The following DIS3L2 variants were observed in gnomAD, a reference collection of about 807,000 sequenced individuals.
DIS3L2 encodes DIS3-like exonuclease 2.
A neutral mutation model predicts 97.5 loss-of-function variants in DIS3L2; 34 were observed. That is an observed-to-expected ratio of 0.35 (90% CI 0.27 to 0.46). The LOEUF (loss-of-function observed/expected upper bound fraction) is 0.46, where lower values mean the gene tolerates loss of function less well. Ranked by LOEUF, DIS3L2 falls within the 20% of genes least tolerant of loss-of-function variation. DIS3L2 has a pLI of 1.00. For missense variants in DIS3L2, 1,038 were observed against 1,146.0 expected (o/e 0.91, Z 1.36); for synonymous variants, 435 against 445.2 (o/e 0.98, Z 0.29).
chr2:232,294,542 C>T (rs144070208), intron 13 of DIS3L2, among the ~76,000 whole-genome samples: 1 of 152,182 alleles, frequency 6.6e-6, no homozygotes, highest in Non-Finnish European at 1.5e-5. Flanking sequence ...TATCCCTACC[C>T]AGACCCTTGG....
intron 4 of DIS3L2, among the ~76,000 whole-genome samples, chr2:232,027,836 G>A (rs1413909067): frequency 6.6e-6 from 1 of 152,128 alleles, no homozygotes; most frequent in Non-Finnish European, 1.5e-5. Context: ...TACAGAATGT[G>A]AGTAAAATCA....
intron 9 of DIS3L2, 68 bp from the exon 10 acceptor site, chr2:232,210,258 C>T (rs894705102): frequency 1.6e-6 from 2 of 1,233,190 alleles, no homozygotes; most frequent in Non-Finnish European, 2.4e-6. Flanking sequence ...TTCTTTAAAG[C>T]TGTACTATGG....
chr2:231,963,962 G>C (rs982644860), intron 1 of DIS3L2, among the ~76,000 whole-genome samples: 4 of 152,128 alleles, frequency 2.6e-5, no homozygotes, highest in Admixed American at 2.6e-4. Flanking sequence ...CAAAAGATCT[G>C]CCTGCCTCAG....
At chr2:232,218,846 A>G (rs1692419946) in intron 10 of DIS3L2, among the ~76,000 whole-genome samples, 1 of 152,098 alleles carries the variant, frequency 6.6e-6, no homozygotes, top group Non-Finnish European at 1.5e-5. Flanking sequence ...TCTGTTTGAA[A>G]ACCTGCTTGT....
intron 1 of DIS3L2, among the ~76,000 whole-genome samples, chr2:231,985,650 C>T (rs1360037094): frequency 6.6e-6 from 1 of 152,194 alleles, no homozygotes; most frequent in Non-Finnish European, 1.5e-5. Context: ...TCCTTCCTTT[C>T]TCTCTCTCCA....
intron 5 of DIS3L2, among the ~76,000 whole-genome samples, chr2:232,065,051 T>A (rs1695816606): frequency 1.3e-5 from 2 of 152,118 alleles, no homozygotes. Flanking sequence ...CTAATATATC[T>A]CTGTCTATCC....
At chr2:232,011,473 C>T (rs1694198521) in intron 1 of DIS3L2, among the ~76,000 whole-genome samples, 1 of 151,912 alleles carries the variant, frequency 6.6e-6, no homozygotes, top group African/African-American at 2.4e-5. Flanking sequence ...CCACCTTAGC[C>T]TCCTAAGTAG....
downstream of DIS3L2, among the ~76,000 whole-genome samples, chr2:232,338,687 C>A (rs1424410029): frequency 1.3e-5 from 2 of 149,522 alleles, no homozygotes; most frequent in Admixed American, 1.3e-4. Context: ...ACCAGTCACA[C>A]CGAGCCCCGC....
Position 232,136,767 on chromosome 2 carries a change from G to GTGGTC in DIS3L2, c.950+49_950+50insGGTCT, listed in dbSNP as rs753802899. On this transcript the variant is annotated intron_variant, in intron 8 of 20. Coordinates refer to ENST00000325385, the MANE Select transcript of DIS3L2 (RefSeq NM_152383.5). ...AACCACAGGTCACAGGCAGAACTCA[G>GTGGTC]TTTAGGTGGTCTTTAGGTAAACTTT... is the stretch of plus-strand genomic sequence containing the variant. 3 of 1,588,776 alleles carry GTGGTC rather than the reference G, an allele frequency of 1.9e-6. No individual in the cohort carries two copies. The Admixed American group carries it at 5.3e-5, about 28-fold the overall frequency.
intron 6 of DIS3L2, among the ~76,000 whole-genome samples, chr2:232,105,278 G>A (rs926548267): frequency 6.6e-6 from 1 of 152,156 alleles, no homozygotes; most frequent in African/African-American, 2.4e-5. Context: ...GAGTAGAATT[G>A]CTGGGTCATA....
chr2:232,129,629 G>A (rs1216215691), intron 6 of DIS3L2, among the ~76,000 whole-genome samples: 1 of 152,232 alleles, frequency 6.6e-6, no homozygotes, highest in Non-Finnish European at 1.5e-5. Flanking sequence ...CGGTAGGTCA[G>A]ATCATGTCAG....
chr2:232,271,117 A>C (rs535993799), intron 13 of DIS3L2, among the ~76,000 whole-genome samples: 28 of 152,340 alleles, frequency 1.8e-4, no homozygotes, highest in Admixed American at 1.0e-3. Context: ...CTAAAATTTA[A>C]AACAGCTGAA....
At chr2:232,000,411 C>A (rs1693843378) in intron 1 of DIS3L2, among the ~76,000 whole-genome samples, 2 of 152,058 alleles carry the variant, frequency 1.3e-5, no homozygotes, top group African/African-American at 4.8e-5. Flanking sequence ...GCACAGACAT[C>A]TCTCCTCTCC....
intron 13 of DIS3L2, among the ~76,000 whole-genome samples, chr2:232,273,019 A>T (rs1694046816): frequency 6.6e-6 from 1 of 152,026 alleles, no homozygotes; most frequent in Non-Finnish European, 1.5e-5. Flanking sequence ...TCCTACCCCC[A>T]GCCTACTCCT....
intron 13 of DIS3L2, among the ~76,000 whole-genome samples, chr2:232,297,806 G>A (rs1575002149): frequency 6.7e-6 from 1 of 149,672 alleles, no homozygotes; most frequent in East Asian, 2.0e-4. Context: ...AGGTTCAAAC[G>A]ATTCTCGTGT....
chr2:232,063,463 TCTTC>T, intron 5 of DIS3L2, among the ~76,000 whole-genome samples: 1 of 152,212 alleles, frequency 6.6e-6, no homozygotes, highest in East Asian at 1.9e-4. Context: ...ATGAGCTCAT[TCTTC>T]CTTAGTGGAT....
chr2:232,079,527 G>A (rs1314264682), intron 5 of DIS3L2, among the ~76,000 whole-genome samples: 2 of 149,828 alleles, frequency 1.3e-5, no homozygotes, highest in African/African-American at 4.9e-5. Context: ...GTGAACCGGG[G>A]AGGCGGAGCT....
chr2:232,138,267 T>G (rs1159068616), intron 8 of DIS3L2, among the ~76,000 whole-genome samples: 1 of 151,870 alleles, frequency 6.6e-6, no homozygotes, highest in South Asian at 2.1e-4. Context: ...AAAAAGGGAG[T>G]CAGGTCTTTG....
At chr2:232,071,987 A>G (rs1285554636) in intron 5 of DIS3L2, among the ~76,000 whole-genome samples, 1 of 152,180 alleles carries the variant, frequency 6.6e-6, no homozygotes, top group Non-Finnish European at 1.5e-5. Flanking sequence ...GTAAAAAGGT[A>G]AGTGAAGGAT....
Sources: gnomAD v4.1 joint callset for allele counts (sites outside exome capture counted in the v4.1 genomes callset) on GRCh38, gnomAD v4.1.1 for gene constraint, MANE v1.5 for transcripts, NCBI Gene and HGNC (gene_info 2026-07-23, HGNC 2026-07-21) for gene names.